TRIP6: variants seen among roughly 807,000 people sequenced by gnomAD.
TRIP6 encodes thyroid receptor-interacting protein 6.
A neutral mutation model predicts 51.9 loss-of-function variants in TRIP6; 33 were observed. That is an observed-to-expected ratio of 0.64 (90% CI 0.48 to 0.85). The LOEUF is 0.85. TRIP6 is among the 40% of genes least tolerant of loss of function. The pLI is 0.00. For missense variants in TRIP6, 661 were observed against 652.1 expected (o/e 1.01, Z -0.15); for synonymous variants, 255 against 275.8 (o/e 0.92, Z 0.75).
At chr7:100,868,380 G>A (rs535914968) in intron 3 of TRIP6, 115 bp from the exon 4 acceptor site, 24 of 1,582,942 alleles carry the variant, frequency 1.5e-5, no homozygotes, top group Middle Eastern at 1.8e-4. Flanking sequence ...ACTTGAGGAC[G>A]GGACCTTGTC....
chr7:100,870,862 A>G (rs1815254545), intron 6 of TRIP6, 119 bp downstream of exon 6: 1 of 1,357,244 alleles, frequency 7.4e-7, no homozygotes, highest in African/African-American at 1.4e-5. Context: ...CAGGCGACTG[A>G]AAGTGATGTA....
At chr7:100,869,320 T>C (rs1284396915) in intron 4 of TRIP6, among the ~76,000 whole-genome samples, 4 of 149,998 alleles carry the variant, frequency 2.7e-5, no homozygotes, top group Non-Finnish European at 5.9e-5. Context: ...GGCAGGGCAG[T>C]GCGGGGGAGC....
In TRIP6 at chr7:100,871,505, C is replaced by T. The variant is rs778997952; in HGVS notation, c.1000-38C>T. On this transcript the variant is annotated intron_variant, in intron 6 of 8. Coordinates refer to ENST00000200457, the MANE Select transcript of TRIP6 (RefSeq NM_003302.3). Reference sequence around the variant, plus strand: ...GTTCCTGTTGAGCTGCCATGGCTCCCGCCCGCTCCCAGATCTTCCTGCCTT... The same window carrying T: ...GTTCCTGTTGAGCTGCCATGGCTCCTGCCCGCTCCCAGATCTTCCTGCCTT... 2.1e-5 allele frequency: 33 copies of T among 1,602,968 alleles called. No homozygotes were observed. In the Admixed American group the frequency reaches 3.2e-4, roughly 15 times the overall value.
chr7:100,872,523 G>A, intron 7 of TRIP6, 101 bp from the exon 8 acceptor site: 1 of 1,542,460 alleles, frequency 6.5e-7, no homozygotes, highest in South Asian at 1.2e-5. Context: ...CATACCTCTG[G>A]CCTCTCTGAT....
In TRIP6 at chr7:100,867,834, C is replaced by T. The variant is rs978610435; in HGVS notation, c.110-27C>T. 3 of 1,536,164 alleles carry T rather than the reference C, an allele frequency of 2.0e-6. No homozygotes were observed. Among genetic ancestry groups the T allele is most frequent in the Non-Finnish European group, 2.6e-6 (3 of 1,150,084 alleles). ...ACCCCTCCTGTCCTCCGCCACCCCA[C>T]CTTTGATTTCTCTTCCCTCAACCCA... is the stretch of plus-strand genomic sequence containing the variant. On this transcript the variant is annotated intron_variant, in intron 1 of 8. Coordinates refer to ENST00000200457, the MANE Select transcript of TRIP6 (RefSeq NM_003302.3). This position sits in a 1 kb window ranked among gnomAD's most constrained non-coding sequence, Gnocchi z 5.4.
Position 100,868,177 on chromosome 7 carries a change from A to C in TRIP6, c.307A>C (p.Thr103Pro). ...CGCCGAGATAGACTTGCTGAGCAGC[A>C]CGCTGGCCGAGCTGAATGGGGGTCG... ...LDAEIDLLSS[T>P]LAELNGGRGH... Residue 103 changes from threonine to proline, a missense_variant, in exon 3 of 9, where the codon ACG becomes CCG. Coordinates refer to ENST00000200457, the MANE Select transcript of TRIP6 (RefSeq NM_003302.3). 2 of 1,609,996 alleles carry C rather than the reference A, an allele frequency of 1.2e-6. No individual in the cohort carries two copies. The highest frequency in any genetic ancestry group is 1.7e-6 in the Non-Finnish European group (2 of 1,178,464).
At position 100,867,620 on chromosome 7, in the gene TRIP6, T is replaced by C; in HGVS notation, c.109+14T>C. The C allele has an allele frequency of 6.5e-7, 1 of 1,544,418 alleles. No individual in the cohort carries two copies. Among genetic ancestry groups the C allele is most frequent in the African/African-American group, 1.4e-5 (1 of 73,016 alleles). ...CCCACGGAGCAGGTAAGGCAGCCCTTGTGAGACAGAAGAGCCACCCAGCTG... is the reference window on the plus strand; with the variant it reads ...CCCACGGAGCAGGTAAGGCAGCCCTCGTGAGACAGAAGAGCCACCCAGCTG... On this transcript the variant is annotated intron_variant, in intron 1 of 8. Transcript: ENST00000200457. This position sits in a 1 kb window ranked among gnomAD's most constrained non-coding sequence, Gnocchi z 5.4.
intron 7 of TRIP6, 112 bp downstream of exon 7, chr7:100,871,833 C>T: frequency 7.5e-7 from 1 of 1,340,306 alleles, no homozygotes; most frequent in Non-Finnish European, 1.0e-6. Flanking sequence ...CTCCTTCGTT[C>T]TTTGTTATTG....
At chr7:100,871,144 C>G in intron 6 of TRIP6, 1 of 487,142 alleles carries the variant, frequency 2.1e-6, no homozygotes, top group Non-Finnish European at 4.0e-6. Context: ...AAGCGATTCT[C>G]ATGCCTCAGG....
rs375751118 is a variant in TRIP6 at position 100,870,704 on chromosome 7, C to T, written c.960C>T (p.Tyr320=). The change falls in exon 6 of 9, where the codon TAC becomes TAT. Residue 320 remains tyrosine, a synonymous_variant. Coordinates refer to ENST00000200457, the MANE Select transcript of TRIP6 (RefSeq NM_003302.3). ...CRAQLRGQHF[Y]AVERRAYCEG... ...CCCAGCTTCGCGGCCAGCATTTCTA[C>T]GCCGTGGAGAGGAGGGCATATTGCG... 3.0e-5 allele frequency: 49 copies of T among 1,613,966 alleles called. No individual in the cohort carries two copies. The highest frequency in any genetic ancestry group is 5.5e-5 in the South Asian group (5 of 91,088).
At chr7:100,870,309 G>A (rs1815240461) in intron 4 of TRIP6, 61 bp from the exon 5 acceptor site, 2 of 1,544,166 alleles carry the variant, frequency 1.3e-6, no homozygotes, top group Non-Finnish European at 8.8e-7. Flanking sequence ...TGGCGGCTGA[G>A]GGCCCTGGTA....
rs779446278 is a variant in TRIP6, at chr7:100,873,129, G to A, written c.1300-43G>A. 1.1e-5 allele frequency: 18 copies of A among 1,595,602 alleles called. No homozygotes were observed. In the East Asian group the frequency reaches 1.8e-4, roughly 16 times the overall value. On this transcript the variant is annotated intron_variant, in intron 8 of 8. Coordinates refer to ENST00000200457, the MANE Select transcript of TRIP6 (RefSeq NM_003302.3). ...TTCTCAAAGTGCTGGGATTACAGGC[G>A]TGAGCCATCGCGCCCGGCCAATTGT...
intron 8 of TRIP6, 171 bp downstream of exon 8, chr7:100,872,915 A>G (rs1815303497): frequency 8.2e-7 from 1 of 1,218,128 alleles, no homozygotes; most frequent in Non-Finnish European, 1.1e-6. Flanking sequence ...CAGTGGCACA[A>G]TCTTGGCTCA....
At chr7:100,869,154 C>T (rs1815216473) in intron 4 of TRIP6, among the ~76,000 whole-genome samples, 1 of 151,566 alleles carries the variant, frequency 6.6e-6, no homozygotes, top group African/African-American at 2.4e-5. Context: ...ACTAAAACCC[C>T]AGTTTGTTGG....
In TRIP6 at chr7:100,869,669, G is replaced by A. The variant is rs553597845; in HGVS notation, c.736-701G>A. Among the ~76,000 whole-genome samples the A allele has an allele frequency of 2.8e-3, 414 of 149,756 alleles. 1 individual carries two copies. The highest frequency in any genetic ancestry group is 4.9e-3 in the Non-Finnish European group (328 of 67,592). On this transcript the variant is annotated intron_variant, in intron 4 of 8. Transcript: ENST00000200457. Reference sequence around the variant, plus strand: ...AAAAAAAAAAAAAGAACTGCCTACGGGCCCCTGGGCTGAGATGTTCTCAGA... The same window carrying A: ...AAAAAAAAAAAAAGAACTGCCTACGAGCCCCTGGGCTGAGATGTTCTCAGA...
At chr7:100,870,158 C>CT (rs1430741303) in intron 4 of TRIP6, among the ~76,000 whole-genome samples, 1 of 152,200 alleles carries the variant, frequency 6.6e-6, no homozygotes, top group Non-Finnish European at 1.5e-5. Context: ...CTATGAGAAT[C>CT]TAACGCCGCT....
At position 100,868,832 on chromosome 7, in the gene TRIP6, C is replaced by A; in HGVS notation, c.701C>A (p.Ala234Glu). ...KEEAAGVSGPAGRGRGGEHGP... is the reference protein window; with the variant it reads ...KEEAAGVSGPEGRGRGGEHGP... ...GAAGCTGCTGGGGTCTCTGGCCCTGCAGGAAGAGGAAGAGGAGGCGAGCAC... is the reference window on the plus strand; with the variant it reads ...GAAGCTGCTGGGGTCTCTGGCCCTGAAGGAAGAGGAAGAGGAGGCGAGCAC... The change falls in exon 4 of 9, where the codon GCA (alanine) becomes GAA (glutamate). Residue 234 changes from alanine to glutamate, a missense_variant. Ala to Glu is a moderately radical substitution (Grantham distance 107). Transcript: ENST00000200457. 1 of 1,517,048 alleles carries A rather than the reference C, an allele frequency of 6.6e-7. No homozygotes were observed. Among genetic ancestry groups the A allele is most frequent in the Non-Finnish European group, 8.8e-7 (1 of 1,138,294 alleles). The allele number at this position is 1,517,048 out of a possible 1,614,324, so 94.0% of individuals were successfully genotyped here.
chr7:100,872,186 T>TG (rs1421298474), intron 7 of TRIP6, among the ~76,000 whole-genome samples: 2 of 144,340 alleles, frequency 1.4e-5, no homozygotes, highest in Non-Finnish European at 3.0e-5. Context: ...GGCTAGTTTT[T>TG]TTTTTTTTTT....
rs150669875 is a variant in TRIP6, at chr7:100,870,647, C to T, written c.903C>T (p.His301=). 2.3e-4 allele frequency: 367 copies of T among 1,614,108 alleles called. No individual in the cohort carries two copies. In the African/African-American group the frequency reaches 3.1e-3, roughly 14 times the overall value. ...TTGTGGCCCTTGATCGCGTCTTTCA[C>T]GTGGGCTGCTTTGTATGTTCTACAT... ...AGVVALDRVF[H]VGCFVCSTCR... Residue 301 remains histidine, a synonymous_variant, in exon 6 of 9, where the codon CAC becomes CAT. Transcript: ENST00000200457.
Sources: gnomAD v4.1 joint callset for allele counts (sites outside exome capture counted in the v4.1 genomes callset) on GRCh38, gnomAD v4.1.1 for gene constraint, Gnocchi (gnomAD v3.1) non-coding constraint, MANE v1.5 for transcripts, NCBI Gene and HGNC (gene_info 2026-07-23, HGNC 2026-07-21) for gene names.